The following ZNF507 variants were observed in gnomAD, a reference collection of about 807,000 sequenced individuals.
The protein encoded by ZNF507 is zinc finger protein 507.
Under a neutral mutation model 80.0 loss-of-function variants are expected in ZNF507, and 29 were observed. The ratio of observed to expected loss-of-function variants is 0.36; its 90% confidence interval spans 0.27 to 0.49. The LOEUF (loss-of-function observed/expected upper bound fraction) is 0.49. Among genes scored for constraint, ZNF507 ranks in the 20% least tolerant of loss-of-function variants. ZNF507 has a pLI of 0.98. For missense variants in ZNF507, 1,081 were observed against 1,152.2 expected (o/e 0.94, Z 0.90); for synonymous variants, 462 against 422.5 (o/e 1.09, Z -1.15).
intron 5 of ZNF507, among the ~76,000 whole-genome samples, chr19:32,372,652 C>T (rs1021491301): frequency 6.6e-6 from 1 of 151,900 alleles, no homozygotes; most frequent in Non-Finnish European, 1.5e-5. Context: ...TCATAACACC[C>T]CACTCTCAAG....
At chr19:32,373,448 T>C (rs1214815098) in intron 5 of ZNF507, among the ~76,000 whole-genome samples, 5 of 152,362 alleles carry the variant, frequency 3.3e-5, no homozygotes, top group Admixed American at 6.5e-5. Flanking sequence ...AAGAGACTTA[T>C]CGAGTGGTTT....
chr19:32,356,650 G>C lies in ZNF507; in HGVS notation c.2162G>C (p.Ser721Thr). Residue 721 changes from serine to threonine, a missense_variant, in exon 4 of 7, where the codon AGT becomes ACT. This residue lies in a region of ZNF507 where 614 missense variants were observed against 583.9 expected (regional missense o/e 1.05). Transcript: ENST00000355898. The part of the protein sequence containing the change: ...QLRNHEREQH[S>T]LPDTLSIATS... ...AGGAACCATGAGAGAGAACAGCACA[G>C]TCTTCCAGATACCTTGTCAATAGCA... 1 of 1,614,148 alleles carries C rather than the reference G, an allele frequency of 6.2e-7. No homozygotes were observed. The highest frequency in any genetic ancestry group is 2.2e-5 in the East Asian group (1 of 44,874).
intron 5 of ZNF507, among the ~76,000 whole-genome samples, chr19:32,366,339 G>C (rs1194932240): frequency 6.6e-6 from 1 of 152,166 alleles, no homozygotes; most frequent in Non-Finnish European, 1.5e-5. Flanking sequence ...CTCTTCAGCA[G>C]CACCCCTTCG....
chr19:32,354,172 A>G lies in ZNF507; in HGVS notation c.1342A>G (p.Thr448Ala), dbSNP rs1371218935. Residue 448 changes from threonine (T) to alanine (A), a missense_variant, in exon 3 of 7, where the codon ACT (threonine) becomes GCT (alanine). Thr to Ala is a moderately conservative substitution (Grantham distance 58). Transcript: ENST00000355898. ...MDDVYRADKC[T>A]VDIGGLIIGW... ...TGATGTTTATCGTGCTGATAAATGT[A>G]CTGTTGATATTGGGGGATTGATCAT... 1.9e-6 allele frequency: 3 copies of G among 1,613,228 alleles called. No homozygotes were observed. Among genetic ancestry groups the G allele is most frequent in the Non-Finnish European group, 1.7e-6 (2 of 1,180,030 alleles).
At chr19:32,364,075 G>A (rs1189778821) in intron 5 of ZNF507, among the ~76,000 whole-genome samples, 1 of 152,150 alleles carries the variant, frequency 6.6e-6, no homozygotes, top group East Asian at 1.9e-4. Context: ...TATTTATGAA[G>A]TACCCAGCAT....
Position 32,353,498 on chromosome 19 carries a change from C to T in ZNF507, c.668C>T (p.Thr223Ile). 3 of 1,614,224 alleles carry T rather than the reference C, an allele frequency of 1.9e-6. No homozygotes were observed. Among genetic ancestry groups the T allele is most frequent in the Non-Finnish European group, 8.5e-7 (1 of 1,180,040 alleles). Reference sequence around the variant, plus strand: ...CCAGTAAGTGTGGACAATCTACAGACTCATACTGTCCAAACTGCATCTGTG... The same window carrying T: ...CCAGTAAGTGTGGACAATCTACAGATTCATACTGTCCAAACTGCATCTGTG... Reference protein sequence around the residue: ...DIPVSVDNLQTHTVQTASVAE... With the variant: ...DIPVSVDNLQIHTVQTASVAE... Residue 223 changes from threonine to isoleucine, a missense_variant, in exon 3 of 7, where the codon ACT becomes ATT. Physicochemically the swap from Thr to Ile is moderately conservative, Grantham distance 89. This residue lies in a region of ZNF507 where 275 missense variants were observed against 303.9 expected (regional missense o/e 0.90). Transcript: ENST00000355898.
intron 5 of ZNF507, among the ~76,000 whole-genome samples, chr19:32,363,253 A>G (rs937451778): frequency 1.3e-5 from 2 of 152,206 alleles, no homozygotes; most frequent in African/African-American, 4.8e-5. Context: ...ACATTTTGTT[A>G]AGAAACATGC....
Position 32,353,497 on chromosome 19 carries a change from A to T in ZNF507, c.667A>T (p.Thr223Ser), listed in dbSNP as rs1275424824. ...CCCAGTAAGTGTGGACAATCTACAG[A>T]CTCATACTGTCCAAACTGCATCTGT... Reference protein sequence around the residue: ...DIPVSVDNLQTHTVQTASVAE... With the variant: ...DIPVSVDNLQSHTVQTASVAE... The change falls in exon 3 of 7, where the codon ACT (threonine) becomes TCT (serine). Residue 223 changes from threonine (T) to serine (S), a missense_variant. By Grantham distance (58) the Thr-to-Ser change is moderately conservative. Around this residue, in one of 6 missense-constraint regions of ZNF507, gnomAD observed 275 missense variants for 303.9 expected, o/e 0.90. Transcript: ENST00000355898. 1 of 1,614,168 alleles carries T rather than the reference A, an allele frequency of 6.2e-7. No individual in the cohort carries two copies. The highest frequency in any genetic ancestry group is 1.7e-5 in the Admixed American group (1 of 60,022).
Position 32,354,341 on chromosome 19 carries a change from C to T in ZNF507, c.1511C>T (p.Pro504Leu), listed in dbSNP as rs1967218327. ...GCTGCAGAAGCCCTTGTCACAATGC[C>T]TATAAGAGCTGCAGAGTTGACAAGA... ...SLAAEALVTM[P>L]IRAAELTRAN... The change falls in exon 3 of 7, where the codon CCT becomes CTT. Residue 504 changes from proline (P) to leucine (L), a missense_variant. Around this residue, in one of 6 missense-constraint regions of ZNF507, gnomAD observed 614 missense variants for 583.9 expected, o/e 1.05. Coordinates refer to ENST00000355898, the MANE Select transcript of ZNF507 (RefSeq NM_001136156.2). The T allele has an allele frequency of 6.2e-7, 1 of 1,614,016 alleles. No individual in the cohort carries two copies. The highest frequency in any genetic ancestry group is 8.5e-7 in the Non-Finnish European group (1 of 1,180,032).
intron 5 of ZNF507, among the ~76,000 whole-genome samples, chr19:32,374,365 G>A (rs759025878): frequency 1.3e-5 from 2 of 151,782 alleles, no homozygotes; most frequent in Non-Finnish European, 2.9e-5. Flanking sequence ...GCTTTATTGA[G>A]TTATTATTTG....
At chr19:32,364,698 A>G (rs199648383) in intron 5 of ZNF507, among the ~76,000 whole-genome samples, 2 of 151,908 alleles carry the variant, frequency 1.3e-5, no homozygotes, top group Non-Finnish European at 2.9e-5. Flanking sequence ...GTATTCAATC[A>G]TATATATATA....
chr19:32,355,084 A>G, intron 3 of ZNF507, 127 bp downstream of exon 3: 8 of 954,100 alleles, frequency 8.4e-6, no homozygotes, highest in East Asian at 2.7e-5. Context: ...AAGTTTGATA[A>G]GTTGCCCAAG....
Position 32,387,131 on chromosome 19 carries a change from A to G in ZNF507, c.*4048A>G, listed in dbSNP as rs1297773315. ...CAGTTCAGTTTCTCTTCCAAATGTG[A>G]CACGCTTATATGCTTTCAATTCTGA... On this transcript the variant is annotated 3_prime_UTR_variant, in exon 7 of 7. Transcript: ENST00000355898. The G allele has an allele frequency of 1.3e-5, 2 of 152,200 alleles. No homozygotes were observed. The highest frequency in any genetic ancestry group is 2.9e-5 in the Non-Finnish European group (2 of 68,042). 9.4% of individuals were successfully genotyped at this position (152,200 alleles called of 1,614,324 possible).
chr19:32,351,052 TC>T, intron 2 of ZNF507, among the ~76,000 whole-genome samples: 1 of 152,368 alleles, frequency 6.6e-6, no homozygotes, highest in Non-Finnish European at 1.5e-5. Flanking sequence ...AGACTTTTGT[TC>T]CTTCTACCTG....
chr19:32,350,831 T>G (rs1476835389), intron 2 of ZNF507, among the ~76,000 whole-genome samples: 1 of 152,176 alleles, frequency 6.6e-6, no homozygotes, highest in Non-Finnish European at 1.5e-5. Context: ...CATTTAACCA[T>G]TGAACTGACA....
chr19:32,354,765 G>A lies in ZNF507; in HGVS notation c.1935G>A (p.Leu645=). The A allele has an allele frequency of 6.2e-7, 1 of 1,614,164 alleles. No homozygotes were observed. Among genetic ancestry groups the A allele is most frequent in the Non-Finnish European group, 8.5e-7 (1 of 1,180,038 alleles). The change falls in exon 3 of 7, where the codon CTG becomes CTA. Residue 645 remains leucine, a synonymous_variant. Transcript: ENST00000355898. ...CTGAACGACCCTACCGTTGCCGCCT[G>A]TGTCACTACACAAGTGGCAACAAGG... ...PNAERPYRCR[L]CHYTSGNKGY... is the part of the protein sequence containing the mutation.
rs563120334 is a variant in ZNF507 at position 32,358,844 on chromosome 19, C to G, written c.2246-1660C>G. The stretch of plus-strand genomic sequence containing the variant: ...ACTATGCTGTGAGGTTCTAGCATTT[C>G]CAATTTGTAGATGAGAAAACTGAGA... On this transcript the variant is annotated intron_variant, in intron 4 of 6. Coordinates refer to ENST00000355898, the MANE Select transcript of ZNF507 (RefSeq NM_001136156.2). 3 of 152,228 alleles carry G rather than the reference C, an allele frequency of 2.0e-5. No homozygotes were observed. The South Asian group carries it at 6.2e-4, about 32-fold the overall frequency. 9.4% of individuals were successfully genotyped at this position (152,228 alleles called of 1,614,324 possible). A position where few individuals can be genotyped will look rare whatever the true frequency, so the allele number is the denominator to read the frequency against.
At chr19:32,346,865 G>C (rs1967104048) in intron 1 of ZNF507, among the ~76,000 whole-genome samples, 1 of 152,184 alleles carries the variant, frequency 6.6e-6, no homozygotes, top group Admixed American at 6.5e-5. Context: ...CTTGGTTGCA[G>C]AATCACTCGT....
At position 32,383,305 on chromosome 19, in the gene ZNF507, G is replaced by A. The variant is rs1230248834; in HGVS notation, c.*222G>A. The A allele has an allele frequency of 1.9e-6, 1 of 536,724 alleles. No individual in the cohort carries two copies. Among genetic ancestry groups the A allele is most frequent in the Non-Finnish European group, 3.3e-6 (1 of 304,878 alleles). 33.2% of individuals were successfully genotyped at this position (536,724 alleles called of 1,614,324 possible). A position where few individuals can be genotyped will look rare whatever the true frequency, so the allele number is the denominator to read the frequency against. ...TTTGAGTGAGGGGGAGTGGGTCAAA[G>A]AGGAAGTAGAGGTGTAATCCTGTAT... On this transcript the variant is annotated 3_prime_UTR_variant, in exon 7 of 7. Transcript: ENST00000355898.
Sources: gnomAD v4.1 joint callset for allele counts (sites outside exome capture counted in the v4.1 genomes callset) on GRCh38, gnomAD v4.1.1 for gene constraint, gnomAD v4.1.1 regional missense constraint, MANE v1.5 for transcripts, NCBI Gene and HGNC (gene_info 2026-07-23, HGNC 2026-07-21) for gene names.